The following GRID1 variants were observed in gnomAD, a reference collection of about 807,000 sequenced individuals.
The protein encoded by GRID1 is glutamate receptor ionotropic, delta-1.
GRID1 carries 28 observed loss-of-function variants against 98.0 expected under a neutral mutation model. The ratio of observed to expected loss-of-function variants is 0.29; its 90% confidence interval spans 0.21 to 0.39. The LOEUF is 0.39. Among genes scored for constraint, GRID1 ranks in the 10% least tolerant of loss-of-function variants. The pLI is 1.00. For missense variants in GRID1, 1,111 were observed against 1,340.5 expected (o/e 0.83, Z 2.67); for synonymous variants, 553 against 538.5 (o/e 1.03, Z -0.37).
chr10:86,190,377 A>G (rs1419710687), intron 3 of GRID1, among the ~76,000 whole-genome samples: 3 of 152,102 alleles, frequency 2.0e-5, no homozygotes, highest in Admixed American at 6.5e-5. Flanking sequence ...TGCACCCCAC[A>G]TACCTCCTCC....
At chr10:86,292,721 G>A (rs1219030087) in intron 2 of GRID1, among the ~76,000 whole-genome samples, 1 of 151,792 alleles carries the variant, frequency 6.6e-6, no homozygotes, top group Non-Finnish European at 1.5e-5. Flanking sequence ...GGGTGGGTGG[G>A]TGCGAGTGTG....
intron 8 of GRID1, among the ~76,000 whole-genome samples, chr10:85,794,338 G>A (rs1842506620): frequency 6.6e-6 from 1 of 152,186 alleles, no homozygotes; most frequent in African/African-American, 2.4e-5. Context: ...TTCCGTCCCT[G>A]AGATTGAATC....
At chr10:85,969,171 G>A (rs1842375908) in intron 4 of GRID1, among the ~76,000 whole-genome samples, 2 of 152,228 alleles carry the variant, frequency 1.3e-5, no homozygotes, top group Admixed American at 1.3e-4. Flanking sequence ...TCTAACAATA[G>A]CACCCCAAAA....
At chr10:86,203,305 T>C (rs1054651766) in intron 3 of GRID1, among the ~76,000 whole-genome samples, 1 of 152,148 alleles carries the variant, frequency 6.6e-6, no homozygotes, top group Non-Finnish European at 1.5e-5. Flanking sequence ...GAGGCACCGT[T>C]TGTCTTGGCT....
chr10:85,771,584 T>C (rs566446702), intron 8 of GRID1, among the ~76,000 whole-genome samples: 144 of 152,118 alleles, frequency 9.5e-4, no homozygotes, highest in South Asian at 5.0e-3. Flanking sequence ...ACCCATCTCA[T>C]GTGCAGAGAC....
intron 13 of GRID1, among the ~76,000 whole-genome samples, chr10:85,631,178 T>C (rs2132534930): frequency 6.6e-6 from 1 of 152,292 alleles, no homozygotes; most frequent in African/African-American, 2.4e-5. Context: ...AAATTGAGGC[T>C]CAAAAAGAAC....
intron 2 of GRID1, among the ~76,000 whole-genome samples, chr10:86,280,881 G>A (rs889398468): frequency 6.6e-5 from 10 of 151,838 alleles, no homozygotes; most frequent in African/African-American, 1.9e-4. Context: ...CTCCAGCCTC[G>A]ATTACTCTTC....
intron 6 of GRID1, among the ~76,000 whole-genome samples, chr10:85,865,330 A>G (rs1345529026): frequency 1.3e-5 from 2 of 152,210 alleles, no homozygotes; most frequent in African/African-American, 4.8e-5. Flanking sequence ...CTGATTTGCT[A>G]TAATAGTTCT....
chr10:85,866,988 G>A (rs1386171619), intron 6 of GRID1, among the ~76,000 whole-genome samples: 4 of 152,072 alleles, frequency 2.6e-5, no homozygotes, highest in Admixed American at 2.0e-4. Flanking sequence ...GATGATGTCC[G>A]GCCACATATC....
intron 12 of GRID1, among the ~76,000 whole-genome samples, chr10:85,717,488 G>A (rs891371713): frequency 6.6e-6 from 1 of 152,002 alleles, no homozygotes; most frequent in Admixed American, 6.5e-5. Context: ...GAGACTATTC[G>A]CTATCACAAG....
chr10:85,715,153 T>C (rs1841624388), intron 12 of GRID1, among the ~76,000 whole-genome samples: 1 of 152,178 alleles, frequency 6.6e-6, no homozygotes, highest in Non-Finnish European at 1.5e-5. Flanking sequence ...GTCTCTTTAG[T>C]AAATGATGTT....
chr10:86,292,871 G>A (rs1847536188), intron 2 of GRID1, among the ~76,000 whole-genome samples: 1 of 152,002 alleles, frequency 6.6e-6, no homozygotes, highest in African/African-American at 2.4e-5. Context: ...TGGCAGATGT[G>A]AGTGTGGAAT....
intron 8 of GRID1, among the ~76,000 whole-genome samples, chr10:85,750,136 T>C (rs909107891): frequency 2.6e-5 from 4 of 152,206 alleles, no homozygotes; most frequent in Non-Finnish European, 5.9e-5. Flanking sequence ...CCATAAATTA[T>C]AAAGATATGC....
chr10:85,772,332 G>A (rs12358645), intron 8 of GRID1, among the ~76,000 whole-genome samples: 18,067 of 151,866 alleles, frequency 0.12, 1,233 homozygotes, highest in Middle Eastern at 0.22. Flanking sequence ...AGTGTGTAGA[G>A]GGAAATTTAT....
chr10:86,298,332 G>A (rs1847624926), intron 2 of GRID1, among the ~76,000 whole-genome samples: 1 of 152,188 alleles, frequency 6.6e-6, no homozygotes, highest in Admixed American at 6.5e-5. Flanking sequence ...ACCAAGGACT[G>A]GAAGGGAATA....
chr10:85,926,044 G>T (rs1043325397), intron 4 of GRID1, among the ~76,000 whole-genome samples: 6 of 152,200 alleles, frequency 3.9e-5, no homozygotes, highest in Admixed American at 6.5e-5. Context: ...ACTTTTTGGA[G>T]AATGGAATAG....
Position 86,026,634 on chromosome 10 carries a change from C to A in GRID1, c.727-110395G>T, listed in dbSNP as rs146992376. On this transcript the variant is annotated intron_variant, in intron 4 of 15. Transcript: ENST00000327946. Reference sequence around the variant, plus strand: ...ACCTAATATGTACTTAACAAACACACACTCAGCTTCTACTCTTTGCCAGAC... The same window carrying A: ...ACCTAATATGTACTTAACAAACACAAACTCAGCTTCTACTCTTTGCCAGAC... Among the ~76,000 whole-genome samples, 411 of 152,348 alleles carry A rather than the reference C, an allele frequency of 2.7e-3. 3 individuals are homozygous for A. Among genetic ancestry groups the A allele is most frequent in the Middle Eastern group, 0.02 (6 of 294 alleles).
At chr10:86,351,006 T>C (rs987070218) in intron 2 of GRID1, among the ~76,000 whole-genome samples, 1 of 152,210 alleles carries the variant, frequency 6.6e-6, no homozygotes, top group Non-Finnish European at 1.5e-5. Context: ...ATGAGTTCAA[T>C]GTGTTTAGCT....
At chr10:86,216,173 A>T (rs1846174753) in intron 2 of GRID1, among the ~76,000 whole-genome samples, 1 of 152,222 alleles carries the variant, frequency 6.6e-6, no homozygotes, top group Non-Finnish European at 1.5e-5. Context: ...GTCCAGGAAT[A>T]CTTTATCCTA....
Sources: gnomAD v4.1 joint callset for allele counts (sites outside exome capture counted in the v4.1 genomes callset) on GRCh38, gnomAD v4.1.1 for gene constraint, MANE v1.5 for transcripts, NCBI Gene and HGNC (gene_info 2026-07-23, HGNC 2026-07-21) for gene names.